Variants in KALRN observed in about 807,000 individuals in gnomAD.
KALRN encodes the protein kalirin RhoGEF kinase.
Under a neutral mutation model 353.7 loss-of-function variants are expected in KALRN, and 70 were observed. The observed-to-expected ratio is 0.20, with a 90% CI of 0.16 to 0.24. KALRN has a LOEUF of 0.24. KALRN is among the 10% of genes least tolerant of loss of function. The pLI is 1.00. For synonymous variants in KALRN, 1,391 were observed against 1,434.8 expected (o/e 0.97, Z 0.69); for missense variants, 2,791 against 3,756.7 (o/e 0.74, Z 6.72).
rs1488584000 is a variant in KALRN at position 124,442,072 on chromosome 3, C to A, written c.3313+13C>A. On this transcript the variant is annotated intron_variant, in intron 19 of 59. Transcript: ENST00000682506. ...CAACAAGTGAAAGGTCAGTGAGAGA[C>A]CTGCCCAGCCACCAGTCACTTCAGC... 9.1e-6 allele frequency: 14 copies of A among 1,544,404 alleles called. No homozygotes were observed. Among genetic ancestry groups the A allele is most frequent in the African/African-American group, 1.4e-5 (1 of 72,856 alleles).
intron 34 of KALRN, among the ~76,000 whole-genome samples, chr3:124,564,663 G>A (rs368610881): frequency 3.3e-5 from 5 of 152,220 alleles, no homozygotes; most frequent in Admixed American, 6.5e-5. Flanking sequence ...CTGGGTGACA[G>A]AGCAAGGTCC....
At position 124,657,503 on chromosome 3, in the gene KALRN, A is replaced by G. The variant is rs2084216065; in HGVS notation, c.5918A>G (p.Asp1973Gly). Reference protein sequence around the residue: ...KGVPEDMRGKDKIVFGNIHQI... With the variant: ...KGVPEDMRGKGKIVFGNIHQI... ...GTCCCTGAGGATATGCGAGGAAAGG[A>G]CAAAATCGTGTTTGGAAATATTCAT... is the stretch of plus-strand genomic sequence containing the variant. Residue 1973 changes from aspartate to glycine, a missense_variant, in exon 40 of 60, where the codon GAC becomes GGC. Asp to Gly is a moderately conservative substitution (Grantham distance 94). Coordinates refer to ENST00000682506, the MANE Select transcript of KALRN (RefSeq NM_001388419.1). 6.2e-7 allele frequency: 1 copy of G among 1,614,092 alleles called. No homozygotes were observed. Among genetic ancestry groups the G allele is most frequent in the Non-Finnish European group, 8.5e-7 (1 of 1,179,972 alleles).
chr3:124,390,152 C>G (rs1276504371), intron 11 of KALRN, among the ~76,000 whole-genome samples: 1 of 152,172 alleles, frequency 6.6e-6, no homozygotes, highest in Non-Finnish European at 1.5e-5. Context: ...TCTTTTTGTC[C>G]AGGAACATGG....
intron 13 of KALRN, among the ~76,000 whole-genome samples, chr3:124,407,994 C>G (rs534135577): frequency 5.3e-5 from 8 of 152,014 alleles, no homozygotes; most frequent in Non-Finnish European, 1.0e-4. Flanking sequence ...AGGATGGGCT[C>G]GATCTCCTGA....
intron 25 of KALRN, among the ~76,000 whole-genome samples, chr3:124,467,522 G>C (rs1171394674): frequency 6.6e-6 from 1 of 152,162 alleles, no homozygotes; most frequent in African/African-American, 2.4e-5. Context: ...ATAAGGGGTG[G>C]GATTTTTACA....
chr3:124,051,657 C>T lies in KALRN; in HGVS notation c.73+17844C>T, dbSNP rs144234747. Among the ~76,000 whole-genome samples, 403 of 152,202 alleles carry T rather than the reference C, an allele frequency of 2.6e-3. 6 individuals carry two copies. The highest frequency in any genetic ancestry group is 3.5e-4 in the Non-Finnish European group (24 of 68,016). On this transcript the variant is annotated intron_variant, in intron 1 of 59. Transcript: ENST00000682506. ...CAAAATTCTTTCACCTCTTTTGATGCGGAAAACTTTTGTGTTTTATACACT... is the reference window on the plus strand; with the variant it reads ...CAAAATTCTTTCACCTCTTTTGATGTGGAAAACTTTTGTGTTTTATACACT...
chr3:124,619,886 T>C (rs907033346), intron 34 of KALRN, among the ~76,000 whole-genome samples: 1 of 152,216 alleles, frequency 6.6e-6, no homozygotes, highest in African/African-American at 2.4e-5. Flanking sequence ...GGTTCCCTTT[T>C]CTCTACATTC....
intron 33 of KALRN, among the ~76,000 whole-genome samples, chr3:124,526,708 A>C (rs2067623442): frequency 6.6e-6 from 1 of 152,198 alleles, no homozygotes; most frequent in South Asian, 2.1e-4. Flanking sequence ...AAGGGCTATA[A>C]AGGGTTATGT....
intron 34 of KALRN, among the ~76,000 whole-genome samples, chr3:124,622,255 T>C (rs1210239819): frequency 6.6e-6 from 1 of 152,206 alleles, no homozygotes; most frequent in Non-Finnish European, 1.5e-5. Context: ...CTTTGTGGTT[T>C]CTTCTGATTT....
intron 34 of KALRN, among the ~76,000 whole-genome samples, chr3:124,601,867 G>GA (rs57773103): frequency 1.4e-4 from 21 of 150,006 alleles, no homozygotes; most frequent in South Asian, 6.4e-4. Flanking sequence ...CCATCTCTAG[G>GA]AAAAAAAAAA....
intron 1 of KALRN, among the ~76,000 whole-genome samples, chr3:124,182,935 G>GC (rs1250029360): frequency 1.1e-4 from 16 of 152,332 alleles, no homozygotes; most frequent in Middle Eastern, 3.4e-3. Context: ...GGGAAGAGGA[G>GC]CTGGAAAGTT....
intron 2 of KALRN, 105 bp from the exon 3 acceptor site, chr3:124,234,724 C>G: frequency 1.2e-6 from 1 of 830,884 alleles, no homozygotes; most frequent in South Asian, 1.6e-5. Context: ...TCTGGATACC[C>G]TATTTCTGTC....
Position 124,398,841 on chromosome 3 carries a change from A to G in KALRN, c.2316A>G (p.Gln772=). 6.2e-7 allele frequency: 1 copy of G among 1,613,744 alleles called. No homozygotes were observed. The change falls in exon 13 of 60, where the codon CAA becomes CAG. Residue 772 remains glutamine (Q), a synonymous_variant. Coordinates refer to ENST00000682506, the MANE Select transcript of KALRN (RefSeq NM_001388419.1). ...AGATCAAGCTGGACATCTTCCTGCA[A>G]CTGCGCATCTTTGAGCAGTACACCA... ...ERKIKLDIFL[Q]LRIFEQYTIE...
At chr3:124,305,469 T>G (rs2077610978) in intron 6 of KALRN, among the ~76,000 whole-genome samples, 1 of 152,166 alleles carries the variant, frequency 6.6e-6, no homozygotes, top group Admixed American at 6.5e-5. Flanking sequence ...AGTACATTGT[T>G]GAAAACAATA....
chr3:124,150,879 C>T (rs1003990440), intron 1 of KALRN, among the ~76,000 whole-genome samples: 3 of 152,142 alleles, frequency 2.0e-5, no homozygotes, highest in Non-Finnish European at 4.4e-5. Flanking sequence ...ACTAGCTCCT[C>T]CTCTCAAGGG....
At chr3:124,718,122 ATTT>A (rs35779082) in intron 59 of KALRN, among the ~76,000 whole-genome samples, 3 of 126,970 alleles carry the variant, frequency 2.4e-5, no homozygotes, top group Admixed American at 8.1e-5. Context: ...CATTATGACT[ATTT>A]TTTTTTTTTT....
At chr3:124,483,383 T>G (rs2062186902) in intron 28 of KALRN, among the ~76,000 whole-genome samples, 1 of 152,086 alleles carries the variant, frequency 6.6e-6, no homozygotes. Flanking sequence ...AAACTCCATC[T>G]CTACTAAAAA....
intron 31 of KALRN, among the ~76,000 whole-genome samples, 165 bp from the exon 32 acceptor site, chr3:124,492,574 GC>G (rs1408686327): frequency 3.3e-4 from 50 of 152,290 alleles, no homozygotes; most frequent in African/African-American, 1.2e-3. Flanking sequence ...AGTTGGAGAA[GC>G]CTGTTTCTGG....
At chr3:124,133,505 T>G (rs969670669) in intron 1 of KALRN, among the ~76,000 whole-genome samples, 25 of 152,228 alleles carry the variant, frequency 1.6e-4, no homozygotes, top group African/African-American at 6.0e-4. Flanking sequence ...AGCCCTCATT[T>G]CTGTCTTCAA....
Sources: allele counts gnomAD v4.1 joint callset (sites outside exome capture counted in the v4.1 genomes callset), GRCh38; gene constraint gnomAD v4.1.1; transcripts MANE v1.5; gene names NCBI Gene and HGNC (gene_info 2026-07-23, HGNC 2026-07-21).